CCN5: variants seen among roughly 807,000 people sequenced by gnomAD.
CCN5 encodes the protein cellular communication network factor 5.
CCN5 carries 17 observed loss-of-function variants against 18.7 expected under a neutral mutation model. The observed-to-expected ratio is 0.91, with a 90% CI of 0.62 to 1.36. CCN5 has a LOEUF of 1.36. Ranked by LOEUF, CCN5 falls within the 40% of genes most tolerant of loss-of-function variation. The pLI is 0.00. For missense variants in CCN5, 367 were observed against 342.9 expected, an observed-to-expected ratio of 1.07 and a Z score of -0.56; for synonymous variants, 135 against 145.2, an observed-to-expected ratio of 0.93 and a Z score of 0.50.
chr20:44,720,078 G>A lies in CCN5; in HGVS notation c.242G>A (p.Gly81Glu). 6.3e-7 allele frequency: 1 copy of A among 1,575,038 alleles called. No individual in the cohort carries two copies. The change falls in exon 2 of 4, where the codon GGG becomes GAG. Residue 81 changes from glycine (G) to glutamate (E), a missense_variant. Gly to Glu is a moderately conservative substitution (Grantham distance 98, BLOSUM62 -2). Coordinates refer to ENST00000190983, the MANE Select transcript of CCN5 (RefSeq NM_003881.4). ...DASQGLVCQP[G>E]AGPGGRGALC... The stretch of plus-strand genomic sequence containing the variant: ...AGCCAGGGCCTGGTCTGCCAGCCCG[G>A]GGCAGGACCCGGTGGCCGGGGGGCC...
intron 2 of CCN5, chr20:44,720,576 T>C (rs4812858): frequency 0.62 from 109,001 of 175,032 alleles, 35,761 homozygotes; most frequent in Admixed American, 0.74. Context: ...TGGGAAGTAC[T>C]TTCAGACCTA....
chr20:44,721,752 C>T lies in CCN5; in HGVS notation c.277+1639C>T, dbSNP rs73121561. Among the ~76,000 whole-genome samples, 1,145 of 152,270 alleles carry T rather than the reference C, an allele frequency of 7.5e-3. 7 individuals carry two copies. The highest frequency in any genetic ancestry group is 0.012 in the Non-Finnish European group (801 of 68,014). On this transcript the variant is annotated intron_variant, in intron 2 of 3. Transcript: ENST00000190983. Reference sequence around the variant, plus strand: ...TTTTACACTTGCACAGCCCTTACCACGTGTAAGACACTGAGGGTTTCACAA... The same window carrying T: ...TTTTACACTTGCACAGCCCTTACCATGTGTAAGACACTGAGGGTTTCACAA...
chr20:44,720,553 A>C, intron 2 of CCN5: 1 of 198,256 alleles, frequency 5.0e-6, no homozygotes, highest in Non-Finnish European at 9.9e-6. Context: ...TCATCCTCAC[A>C]ATAACCCTAT....
upstream of CCN5, chr20:44,715,118 A>ACC: frequency 2.1e-6 from 1 of 468,070 alleles, no homozygotes; most frequent in Non-Finnish European, 3.9e-6. Context: ...ACACACACAC[A>ACC]CGGACAGGCA....
chr20:44,724,524 C>T, intron 2 of CCN5: 2 of 669,836 alleles, frequency 3.0e-6, no homozygotes, highest in Non-Finnish European at 4.8e-6. Flanking sequence ...GGGGTCAATC[C>T]AGGCCTGTCT....
At chr20:44,724,368 T>G (rs1035283698) in intron 2 of CCN5, 15 of 270,960 alleles carry the variant, frequency 5.5e-5, no homozygotes, top group Admixed American at 2.2e-4. Flanking sequence ...TTTTATGTTG[T>G]GATCATTACG....
chr20:44,720,410 C>T, intron 2 of CCN5: 1 of 474,364 alleles, frequency 2.1e-6, no homozygotes, highest in Non-Finnish European at 3.7e-6. Flanking sequence ...AGAAGCCCCC[C>T]CAGATTCTTC....
At position 44,720,305 on chromosome 20, in the gene CCN5, T is replaced by G. The variant is rs73284452; in HGVS notation, c.277+192T>G. The stretch of plus-strand genomic sequence containing the variant: ...CCTCCTCTCCCTTCTTGGCCTCTGC[T>G]TAAACCATCTCACTACCCCAATAAC... On this transcript the variant is annotated intron_variant, in intron 2 of 3. Transcript: ENST00000190983. 7.5e-3 allele frequency: 4,716 copies of G among 631,862 alleles called. 153 individuals are homozygous for G. The African/African-American group carries it at 0.076, about 10-fold the overall frequency. 39.1% of individuals were successfully genotyped at this position (631,862 alleles called of 1,614,324 possible). A position where few individuals can be genotyped will look rare whatever the true frequency, so the allele number is the denominator to read the frequency against.
chr20:44,715,092 A>ACG (rs1555853559), upstream of CCN5: 2,452 of 236,318 alleles, frequency 0.01, 47 homozygotes, highest in African/African-American at 0.054. Context: ...ACACACACAC[A>ACG]CGCGCACACA....
At chr20:44,719,436 C>G (rs1296471782) in intron 1 of CCN5, among the ~76,000 whole-genome samples, 5 of 152,184 alleles carry the variant, frequency 3.3e-5, no homozygotes, top group Admixed American at 2.6e-4. Flanking sequence ...GGGCGGATTG[C>G]CTGAGCTCAG....
rs573310456 is a variant in CCN5, at chr20:44,720,361, G to T, written c.277+248G>T. On this transcript the variant is annotated intron_variant, in intron 2 of 3. Transcript: ENST00000190983. ...CCCATCCCTACCTGTCCAAATCATT[G>T]CCAACTTTCAAAGCCAAGTTCAAAC... 1.5e-5 allele frequency: 8 copies of T among 519,746 alleles called. No homozygotes were observed. In the South Asian group the frequency reaches 1.9e-4, roughly 12 times the overall value. 32.2% of individuals were successfully genotyped at this position (519,746 alleles called of 1,614,324 possible). A position where few individuals can be genotyped will look rare whatever the true frequency, so the allele number is the denominator to read the frequency against.
chr20:44,724,688 G>T (rs2065922538), intron 2 of CCN5, 50 bp from the exon 3 acceptor site: 1 of 1,608,652 alleles, frequency 6.2e-7, no homozygotes, highest in African/African-American at 1.3e-5. Flanking sequence ...TGCAGAGAAG[G>T]CTGTGCCGCT....
At chr20:44,722,183 C>A (rs573911032) in intron 2 of CCN5, among the ~76,000 whole-genome samples, 1 of 152,184 alleles carries the variant, frequency 6.6e-6, no homozygotes, top group Non-Finnish European at 1.5e-5. Context: ...CCCAAAGAGT[C>A]CAGCTAAGAC....
chr20:44,715,508 G>T, intron 1 of CCN5, 58 bp downstream of exon 1: 1 of 1,540,558 alleles, frequency 6.5e-7, no homozygotes, highest in South Asian at 1.2e-5. Context: ...GAGGGGGTGG[G>T]GATGTAAAAT....
intron 3 of CCN5, among the ~76,000 whole-genome samples, chr20:44,725,417 G>C (rs552354115): frequency 6.6e-6 from 1 of 150,854 alleles, no homozygotes; most frequent in Non-Finnish European, 1.5e-5. Flanking sequence ...CAGCCTGGCC[G>C]ACAAGCACGA....
chr20:44,717,807 A>C (rs549679469), intron 1 of CCN5, among the ~76,000 whole-genome samples: 3 of 150,862 alleles, frequency 2.0e-5, no homozygotes, highest in African/African-American at 7.3e-5. Flanking sequence ...TGAACCTGGG[A>C]GGCGAAGGTT....
intron 1 of CCN5, among the ~76,000 whole-genome samples, chr20:44,717,895 A>G (rs13039988): frequency 3.3e-5 from 5 of 150,014 alleles, no homozygotes; most frequent in Non-Finnish European, 7.4e-5. Context: ...GAAAAAAAAA[A>G]AAAAGAAAGA....
upstream of CCN5, chr20:44,715,356 C>G: frequency 6.3e-7 from 1 of 1,578,824 alleles, no homozygotes. Flanking sequence ...CTCACAGGTC[C>G]GCCTCCCAGG....
Position 44,727,077 on chromosome 20 carries a change from T to C in CCN5, c.533-10T>C, listed in dbSNP as rs1246409490. 1.3e-6 allele frequency: 2 copies of C among 1,564,006 alleles called. No homozygotes were observed. The highest frequency in any genetic ancestry group is 1.4e-5 in the African/African-American group (1 of 73,712). On this transcript the variant is annotated splice_polypyrimidine_tract_variant and intron_variant, in intron 3 of 3. Transcript: ENST00000190983. The stretch of plus-strand genomic sequence containing the variant: ...CTGCTCAGTGCTAACTCTTGTTCTT[T>C]CCCCCCTAGGACCCCAGTTTTCTGG...
Sources: gnomAD v4.1 joint callset for allele counts (sites outside exome capture counted in the v4.1 genomes callset) on GRCh38, gnomAD v4.1.1 for gene constraint, MANE v1.5 for transcripts, NCBI Gene and HGNC (gene_info 2026-07-23, HGNC 2026-07-21) for gene names.